Variants in CTSC observed in about 807,000 individuals in gnomAD.
The protein encoded by CTSC is cathepsin C.
Under a neutral mutation model 40.9 loss-of-function variants are expected in CTSC, and 37 were observed. The ratio of observed to expected loss-of-function variants is 0.91; its 90% CI spans 0.70 to 1.19. The LOEUF (loss-of-function observed/expected upper bound fraction) is 1.19. Ranked by LOEUF, CTSC falls within the 50% of genes most tolerant of loss-of-function variation. The pLI is 0.00. For synonymous variants in CTSC, 232 were observed against 207.4 expected (o/e 1.12, Z -1.02); for missense variants, 594 against 567.3 (o/e 1.05, Z -0.48).
chr11:88,326,556 TTTGAGA>T, intron 2 of CTSC: 1 of 730,614 alleles, frequency 1.4e-6, no homozygotes, highest in Non-Finnish European at 2.3e-6. Flanking sequence ...AGCACTGATA[TTTGAGA>T]TCCTGGTATA....
At position 88,294,477 on chromosome 11, in the gene CTSC, T is replaced by C. The variant is rs1459318368; in HGVS notation, c.921A>G (p.Ala307=). The C allele has an allele frequency of 2.5e-6, 4 of 1,614,012 alleles. No individual in the cohort carries two copies. Among genetic ancestry groups the C allele is most frequent in the African/African-American group, 1.3e-5 (1 of 74,930 alleles). Residue 307 remains alanine (A), a synonymous_variant, in exon 7 of 7, where the codon GCA becomes GCG. Coordinates refer to ENST00000227266, the MANE Select transcript of CTSC (RefSeq NM_001814.6). The part of the protein sequence containing the change: ...GCEGGFPYLI[A]GKYAQDFGLV... ...GCCCAAAATCTTGGGCGTACTTTCC[T>C]GCAATAAGGTATGGGAAGCCGCCTT...
intron 3 of CTSC, 67 bp from the exon 4 acceptor site, chr11:88,309,385 G>T: frequency 7.5e-7 from 1 of 1,341,076 alleles, no homozygotes; most frequent in Non-Finnish European, 1.1e-6. Flanking sequence ...ATTAAAACAG[G>T]CATTCACACT....
At chr11:88,320,267 T>A (rs1291681770) in intron 2 of CTSC, among the ~76,000 whole-genome samples, 1 of 152,216 alleles carries the variant, frequency 6.6e-6, no homozygotes, top group South Asian at 2.1e-4. Context: ...ATCTGTTTAT[T>A]TCCAGTGCTG....
intron 2 of CTSC, among the ~76,000 whole-genome samples, chr11:88,316,197 CAGAA>C (rs1298905895): frequency 6.6e-6 from 1 of 152,106 alleles, no homozygotes; most frequent in African/African-American, 2.4e-5. Flanking sequence ...TGACGCAGAA[CAGAA>C]AGAAAGAATA....
chr11:88,307,389 G>T (rs1431397516), intron 4 of CTSC, among the ~76,000 whole-genome samples: 1 of 151,960 alleles, frequency 6.6e-6, no homozygotes, highest in Admixed American at 6.6e-5. Flanking sequence ...GCTAGATCCA[G>T]CTATACTTTC....
At chr11:88,325,952 G>C in intron 2 of CTSC, 7 of 992,402 alleles carry the variant, frequency 7.1e-6, no homozygotes, top group Non-Finnish European at 8.4e-6. Flanking sequence ...AGAAAGGAAA[G>C]ACACTCAGGC....
intron 2 of CTSC, among the ~76,000 whole-genome samples, chr11:88,315,964 C>T (rs1017879789): frequency 6.6e-6 from 1 of 151,774 alleles, no homozygotes; most frequent in Non-Finnish European, 1.5e-5. Flanking sequence ...GATTCAAATA[C>T]AGGTTTACAT....
At chr11:88,314,564 G>A (rs535319970) in intron 2 of CTSC, among the ~76,000 whole-genome samples, 3 of 152,214 alleles carry the variant, frequency 2.0e-5, no homozygotes, top group South Asian at 2.1e-4. Flanking sequence ...GTCTCACTCT[G>A]TTGCCCAGGC....
At chr11:88,335,112 G>T in intron 1 of CTSC, 30 bp from the exon 2 acceptor site, 1 of 1,458,160 alleles carries the variant, frequency 6.9e-7, no homozygotes. Context: ...GCACAATAAA[G>T]GAAAATTATT....
intron 1 of CTSC, among the ~76,000 whole-genome samples, chr11:88,335,622 C>A (rs1311208182): frequency 1.3e-5 from 2 of 152,062 alleles, no homozygotes; most frequent in African/African-American, 4.8e-5. Context: ...GGCAGGGAGA[C>A]CCCCAAAACT....
chr11:88,318,933 A>ATAAG (rs1468561834), intron 2 of CTSC, among the ~76,000 whole-genome samples: 4 of 152,092 alleles, frequency 2.6e-5, no homozygotes, highest in African/African-American at 9.7e-5. Context: ...AAATAAATAA[A>ATAAG]CTAATTAAAT....
At chr11:88,330,888 C>G (rs1938335211) in intron 2 of CTSC, among the ~76,000 whole-genome samples, 1 of 152,100 alleles carries the variant, frequency 6.6e-6, no homozygotes, top group African/African-American at 2.4e-5. Flanking sequence ...CCTGAATAAA[C>G]AGAACTTAAT....
At chr11:88,325,829 A>G in intron 2 of CTSC, 2 of 985,854 alleles carry the variant, frequency 2.0e-6, no homozygotes, top group Non-Finnish European at 2.4e-6. Flanking sequence ...TTCTTTAAAT[A>G]TGTCCTCCAT....
chr11:88,313,712 C>A (rs1342867491), intron 2 of CTSC, among the ~76,000 whole-genome samples: 1 of 152,022 alleles, frequency 6.6e-6, no homozygotes, highest in Non-Finnish European at 1.5e-5. Flanking sequence ...CAGGCTCTGA[C>A]TTAATTTAAT....
At chr11:88,301,786 G>GCA (rs1171170873) in intron 4 of CTSC, among the ~76,000 whole-genome samples, 2 of 133,786 alleles carry the variant, frequency 1.5e-5, no homozygotes, top group East Asian at 4.3e-4. Flanking sequence ...ACATACACAT[G>GCA]CACACACACA....
At chr11:88,325,956 C>T in intron 2 of CTSC, 1 of 993,566 alleles carries the variant, frequency 1.0e-6, no homozygotes, top group Non-Finnish European at 1.2e-6. Flanking sequence ...AGGAAAGACA[C>T]TCAGGCAGAC....
At chr11:88,333,720 C>A (rs971196700) in intron 2 of CTSC, among the ~76,000 whole-genome samples, 18 of 152,294 alleles carry the variant, frequency 1.2e-4, no homozygotes, top group African/African-American at 4.3e-4. Context: ...TGCGTAGCAT[C>A]TGGAAATGAT....
At position 88,300,594 on chromosome 11, in the gene CTSC, C is replaced by G. The variant is rs752077308; in HGVS notation, c.693G>C (p.Leu231Phe). ...CATTTCTCCAGTCCCAAGATGTTGG[C>G]AAATGCAAAATCTTTTGCTGTATTT... ...TAEIQQKILH[L>F]PTSWDWRNVH... The change falls in exon 5 of 7, where the codon TTG (leucine) becomes TTC (phenylalanine). Residue 231 changes from leucine to phenylalanine, a missense_variant. Coordinates refer to ENST00000227266, the MANE Select transcript of CTSC (RefSeq NM_001814.6). The G allele has an allele frequency of 3.7e-6, 6 of 1,613,782 alleles. No individual in the cohort carries two copies. The highest frequency in any genetic ancestry group is 5.1e-6 in the Non-Finnish European group (6 of 1,179,814).
intron 3 of CTSC, among the ~76,000 whole-genome samples, chr11:88,311,333 C>T (rs1225285613): frequency 1.3e-5 from 2 of 152,332 alleles, no homozygotes; most frequent in Middle Eastern, 3.4e-3. Flanking sequence ...TAGTCTAGAT[C>T]TTGCCCAGCA....
Sources: gnomAD v4.1 joint callset for allele counts (sites outside exome capture counted in the v4.1 genomes callset) on GRCh38, gnomAD v4.1.1 for gene constraint, MANE v1.5 for transcripts, NCBI Gene and HGNC (gene_info 2026-07-23, HGNC 2026-07-21) for gene names.